Variants in VPS52 observed in about 807,000 individuals in gnomAD.
The protein encoded by VPS52 is VPS52 subunit of GARP complex.
In VPS52, 56 loss-of-function variants were observed where a neutral mutation model predicts 98.7. That is an observed-to-expected ratio of 0.57 (90% CI 0.46 to 0.71). The LOEUF is 0.71. VPS52 is among the 30% of genes least tolerant of loss of function. VPS52 has a pLI of 0.00. For missense variants in VPS52, 742 were observed against 925.9 expected (o/e 0.80, Z 2.58); for synonymous variants, 348 against 346.4 (o/e 1.00, Z -0.05).
At chr6:33,269,358 A>C in intron 5 of VPS52, 132 bp downstream of exon 5, 1 of 1,445,728 alleles carries the variant, frequency 6.9e-7, no homozygotes, top group Middle Eastern at 1.8e-4. Context: ...TAATAACAAA[A>C]AAGGCTCCTG....
chr6:33,267,584 TC>T lies in VPS52; in HGVS notation c.991+97del. ...TTCATCACATTCTAAAAGGTTTCAG[TC>T]CCATAGGAAAAGGTAAGGAGCAGTG... On this transcript the variant is annotated intron_variant, in intron 10 of 19. Transcript: ENST00000445902. The surrounding 1 kb of genome is among the most constrained non-coding windows in gnomAD (Gnocchi z 4.2). 1 of 1,425,014 alleles carries T rather than the reference TC, an allele frequency of 7.0e-7. No individual in the cohort carries two copies. Among genetic ancestry groups the T allele is most frequent in the Non-Finnish European group, 9.7e-7 (1 of 1,029,972 alleles). 88.3% of individuals were successfully genotyped at this position (1,425,014 alleles called of 1,614,324 possible).
chr6:33,263,921 T>C lies in VPS52; in HGVS notation c.1621-42A>G, dbSNP rs148314382. 1.7e-5 allele frequency: 27 copies of C among 1,613,324 alleles called. No individual in the cohort carries two copies. In the East Asian group the frequency reaches 6.0e-4, roughly 36 times the overall value. On this transcript the variant is annotated intron_variant, in intron 15 of 19. Transcript: ENST00000445902. ...GAAGAGGTGACACCAGAAAGCAAGGTCATCTGGGCCCCATCTGGCTCCTCC... is the reference window on the plus strand; with the variant it reads ...GAAGAGGTGACACCAGAAAGCAAGGCCATCTGGGCCCCATCTGGCTCCTCC...
chr6:33,268,005 G>A lies in VPS52; in HGVS notation c.801-8C>T, dbSNP rs1351983575. The A allele has an allele frequency of 2.5e-6, 4 of 1,613,042 alleles. No individual in the cohort carries two copies. The highest frequency in any genetic ancestry group is 2.5e-6 in the Non-Finnish European group (3 of 1,180,010). On this transcript the variant is annotated splice_region_variant and splice_polypyrimidine_tract_variant and intron_variant, in intron 8 of 19. Transcript: ENST00000445902. This position sits in a 1 kb window ranked among gnomAD's most constrained non-coding sequence, Gnocchi z 4.0. The stretch of plus-strand genomic sequence containing the variant: ...AGAAACTGATAGAAGAACCTAGGGG[G>A]TCAGGAACATGTCAGTCTACCTGTC...
intron 2 of VPS52, 60 bp downstream of exon 2, chr6:33,270,139 C>T (rs1443023291): frequency 1.2e-6 from 2 of 1,612,380 alleles, no homozygotes; most frequent in African/African-American, 2.7e-5. Context: ...TACCTTATTC[C>T]TTCCAGCCCC....
rs919648780 is a variant in VPS52, at chr6:33,271,481, C to T, written c.90+105G>A. ...GTACGGGGAGCCAAACAGGTAATAT[C>T]ACGGGTAGCAGCCAAGTTCCCACCC... is the stretch of plus-strand genomic sequence containing the variant. On this transcript the variant is annotated intron_variant, in intron 1 of 19. Coordinates refer to ENST00000445902, the MANE Select transcript of VPS52 (RefSeq NM_022553.6). The T allele has an allele frequency of 2.7e-6, 4 of 1,496,176 alleles. No homozygotes were observed. The African/African-American group carries it at 5.6e-5, about 21-fold the overall frequency. 92.7% of individuals were successfully genotyped at this position (1,496,176 alleles called of 1,614,324 possible). A position where few individuals can be genotyped will look rare whatever the true frequency, so the allele number is the denominator to read the frequency against.
chr6:33,269,778 C>G lies in VPS52; in HGVS notation c.270G>C (p.Glu90Asp), dbSNP rs1243818702. The change falls in exon 4 of 20, where the codon GAG (glutamate) becomes GAC (aspartate). Residue 90 changes from glutamate (E) to aspartate (D), a missense_variant. Physicochemically the swap from Glu to Asp is conservative, Grantham distance 45 (BLOSUM62 2). Around this residue, in one of 2 missense-constraint regions of VPS52, gnomAD observed 152 missense variants for 132.6 expected, o/e 1.15. Coordinates refer to ENST00000445902, the MANE Select transcript of VPS52 (RefSeq NM_022553.6). Reference protein sequence around the residue: ...LRHYSKQVELELQQIEQKSIR... With the variant: ...LRHYSKQVELDLQQIEQKSIR... Reference sequence around the variant, plus strand: ...TGGATTTCTGTTCAATCTGCTGTAGCTCCAGCTCAACTTGCTTTGAATAGT... The same window carrying G: ...TGGATTTCTGTTCAATCTGCTGTAGGTCCAGCTCAACTTGCTTTGAATAGT... 1.9e-6 allele frequency: 3 copies of G among 1,613,574 alleles called. No homozygotes were observed. The African/African-American group carries it at 4.0e-5, about 22-fold the overall frequency.
rs1033485110 is a variant in VPS52 at position 33,270,352 on chromosome 6, C to T, written c.91-69G>A. On this transcript the variant is annotated intron_variant, in intron 1 of 19. Transcript: ENST00000445902. ...AGAAAGAAAAAATATAATTGGATAT[C>T]CCCAGTCCTTCAAGTGAGAAGGAGC... The T allele has an allele frequency of 1.0e-5, 15 of 1,430,908 alleles. No individual in the cohort carries two copies. The African/African-American group carries it at 1.7e-4, about 16-fold the overall frequency. 88.6% of individuals were successfully genotyped at this position (1,430,908 alleles called of 1,614,324 possible). A position where few individuals can be genotyped will look rare whatever the true frequency, so the allele number is the denominator to read the frequency against.
rs557132670 is a variant in VPS52, at chr6:33,254,351, T to C, written c.1795-2380A>G. Among the ~76,000 whole-genome samples, 37 of 152,302 alleles carry C rather than the reference T, an allele frequency of 2.4e-4. No individual in the cohort carries two copies. In the South Asian group the frequency reaches 7.7e-3, roughly 32 times the overall value. On this transcript the variant is annotated intron_variant, in intron 17 of 19. Coordinates refer to ENST00000445902, the MANE Select transcript of VPS52 (RefSeq NM_022553.6). ...CCTCAAAATATTCACTTATATCCAC[T>C]GAGGGTGTCAAATAACTAATATGCT...
At position 33,267,200 on chromosome 6, in the gene VPS52, G is replaced by T; in HGVS notation, c.1113C>A (p.Arg371=). ...APILVPHTAQ[R]GEQRYPFEAL... ...TTCCTCCTCATACCCTCTGCTCTCC[G>T]CGCTGCGCTGTGTGAGGCACCAGGA... The change falls in exon 11 of 20, where the codon CGC becomes CGA. Residue 371 remains arginine, a synonymous_variant. Coordinates refer to ENST00000445902, the MANE Select transcript of VPS52 (RefSeq NM_022553.6). The surrounding 1 kb of genome is among the most constrained non-coding windows in gnomAD (Gnocchi z 4.2). 1 of 1,556,444 alleles carries T rather than the reference G, an allele frequency of 6.4e-7. No homozygotes were observed. The highest frequency in any genetic ancestry group is 2.0e-5 in the Admixed American group (1 of 50,414).
intron 4 of VPS52, 85 bp downstream of exon 4, chr6:33,269,659 T>C: frequency 6.4e-7 from 1 of 1,568,722 alleles, no homozygotes; most frequent in South Asian, 1.1e-5. Flanking sequence ...ACCTCAGAGA[T>C]GTTGACCCCA....
Position 33,268,567 on chromosome 6 carries a change from C to G in VPS52, c.631G>C (p.Glu211Gln), listed in dbSNP as rs746936378. 6.2e-7 allele frequency: 1 copy of G among 1,612,638 alleles called. No homozygotes were observed. The highest frequency in any genetic ancestry group is 1.3e-5 in the African/African-American group (1 of 75,042). The change falls in exon 7 of 20, where the codon GAG becomes CAG. Residue 211 changes from glutamate to glutamine, a missense_variant. By Grantham distance (29) the Glu-to-Gln change is conservative. Around this residue, in one of 2 missense-constraint regions of VPS52, gnomAD observed 590 missense variants for 793.3 expected, o/e 0.74. Coordinates refer to ENST00000445902, the MANE Select transcript of VPS52 (RefSeq NM_022553.6). The surrounding 1 kb of genome is among the most constrained non-coding windows in gnomAD (Gnocchi z 4.0). ...GCTGCTGTGCCTCTAGCTTCCTGCTCTCTGACTGCGGCTGCCTTGGCATCC... is the reference window on the plus strand; with the variant it reads ...GCTGCTGTGCCTCTAGCTTCCTGCTGTCTGACTGCGGCTGCCTTGGCATCC... ...ELDAKAAAVR[E>Q]QEARGTAACA... is the part of the protein sequence containing the mutation.
intron 17 of VPS52, among the ~76,000 whole-genome samples, chr6:33,260,263 G>A (rs918601948): frequency 1.3e-5 from 2 of 151,966 alleles, no homozygotes; most frequent in African/African-American, 2.4e-5. Flanking sequence ...ATCATGGCTC[G>A]CTGTAATCTC....
chr6:33,251,077 C>T, intron 19 of VPS52, 90 bp from the exon 20 acceptor site: 1 of 1,574,464 alleles, frequency 6.4e-7, no homozygotes, highest in Non-Finnish European at 8.7e-7. Flanking sequence ...GGCGCAGTGG[C>T]TCACACTTGT....
chr6:33,264,224 C>T (rs923281149), intron 14 of VPS52, 121 bp from the exon 15 acceptor site: 29 of 1,530,950 alleles, frequency 1.9e-5, no homozygotes, highest in Non-Finnish European at 2.5e-5. Flanking sequence ...CTCCTACCCA[C>T]AGTGCACCAC....
Position 33,250,822 on chromosome 6 carries a change from C to G in VPS52, c.*19G>C. The stretch of plus-strand genomic sequence containing the variant: ...GTCCATGGAGATGACCGGCAGATCT[C>G]AGGGCGGTTTCTGGCACATCAGAAG... On this transcript the variant is annotated 3_prime_UTR_variant, in exon 20 of 20. Coordinates refer to ENST00000445902, the MANE Select transcript of VPS52 (RefSeq NM_022553.6). 6.2e-7 allele frequency: 1 copy of G among 1,606,022 alleles called. No individual in the cohort carries two copies. The highest frequency in any genetic ancestry group is 1.7e-4 in the Middle Eastern group (1 of 6,024).
At chr6:33,258,373 T>G in intron 17 of VPS52, among the ~76,000 whole-genome samples, 2 of 106,202 alleles carry the variant, frequency 1.9e-5, no homozygotes, top group African/African-American at 8.3e-5. Context: ...GCAACATGAG[T>G]GAAACTCCAT....
At chr6:33,270,623 G>A (rs933568775) in intron 1 of VPS52, among the ~76,000 whole-genome samples, 9 of 152,074 alleles carry the variant, frequency 5.9e-5, no homozygotes, top group Non-Finnish European at 1.3e-4. Context: ...AGGGAAACCC[G>A]TCTAAAGAAA....
intron 17 of VPS52, among the ~76,000 whole-genome samples, chr6:33,255,672 G>T (rs992333487): frequency 4.0e-5 from 6 of 151,586 alleles, no homozygotes; most frequent in Admixed American, 1.3e-4. Context: ...GGCACCTGTA[G>T]TCTCAGCTAC....
intron 17 of VPS52, among the ~76,000 whole-genome samples, chr6:33,260,277 C>T (rs915696335): frequency 6.6e-6 from 1 of 151,970 alleles, no homozygotes; most frequent in Non-Finnish European, 1.5e-5. Context: ...TAATCTCGAA[C>T]TCCTGGATTT....
Sources: allele counts gnomAD v4.1 joint callset (sites outside exome capture counted in the v4.1 genomes callset), GRCh38; gene constraint gnomAD v4.1.1; regional missense constraint gnomAD v4.1.1; non-coding constraint Gnocchi (gnomAD v3.1); transcripts MANE v1.5; gene names NCBI Gene and HGNC (gene_info 2026-07-23, HGNC 2026-07-21).